The following ARMH4 variants were observed in gnomAD, a reference collection of about 807,000 sequenced individuals.
The protein encoded by ARMH4 is armadillo like helical domain containing 4, also known as armadillo-like helical domain-containing protein 4.
A neutral mutation model predicts 61.9 loss-of-function variants in ARMH4; 49 were observed. That is an observed-to-expected ratio of 0.79 (90% CI 0.63 to 1.00). ARMH4 has a LOEUF of 1.00. ARMH4 is among the 50% of genes least tolerant of loss of function. The pLI is 0.00. For synonymous variants in ARMH4, 368 were observed against 341.5 expected (o/e 1.08, Z -0.85); for missense variants, 934 against 930.0 (o/e 1.00, Z -0.06).
chr14:58,095,680 T>C (rs1885724549), intron 5 of ARMH4, among the ~76,000 whole-genome samples: 1 of 152,196 alleles, frequency 6.6e-6, no homozygotes, highest in South Asian at 2.1e-4. Flanking sequence ...CTATAGCATA[T>C]TACACAGGAA....
chr14:58,008,237 T>C (rs1882257949), intron 6 of ARMH4, among the ~76,000 whole-genome samples: 2 of 152,090 alleles, frequency 1.3e-5, no homozygotes. Context: ...ATGCAACTTA[T>C]CCTCAAATGG....
intron 5 of ARMH4, among the ~76,000 whole-genome samples, chr14:58,069,187 C>A (rs532563566): frequency 2.0e-5 from 3 of 152,290 alleles, no homozygotes; most frequent in Admixed American, 2.0e-4. Flanking sequence ...TCCACAATTA[C>A]TGACATTTCC....
chr14:58,142,484 TTC>T (rs2139991985), intron 1 of ARMH4, among the ~76,000 whole-genome samples: 1 of 152,094 alleles, frequency 6.6e-6, no homozygotes, highest in East Asian at 1.9e-4. Context: ...CTCTTTTCTT[TTC>T]TTTTTTCTTT....
At chr14:58,150,407 C>T (rs1452198689) in intron 1 of ARMH4, among the ~76,000 whole-genome samples, 2 of 152,174 alleles carry the variant, frequency 1.3e-5, no homozygotes, top group African/African-American at 4.8e-5. Flanking sequence ...ACTTTTCAGA[C>T]AAACATCTAC....
Position 58,044,402 on chromosome 14 carries a change from G to A in ARMH4, c.2090-32252C>T, listed in dbSNP as rs1197197369. On this transcript the variant is annotated intron_variant, in intron 5 of 7. Coordinates refer to ENST00000267485, the MANE Select transcript of ARMH4 (RefSeq NM_001001872.4). ...TTTAACAAATGGTGCTGGGAAAACT[G>A]GCTAGCCATATGTAGAAAGCTGAAA... Among the ~76,000 whole-genome samples, 4 of 152,118 alleles carry A rather than the reference G, an allele frequency of 2.6e-5. No individual in the cohort carries two copies. In the East Asian group the frequency reaches 5.8e-4, roughly 22 times the overall value.
intron 5 of ARMH4, among the ~76,000 whole-genome samples, chr14:58,095,389 G>A (rs958287897): frequency 6.6e-6 from 1 of 152,110 alleles, no homozygotes; most frequent in Non-Finnish European, 1.5e-5. Flanking sequence ...TTTGTATTTT[G>A]TATCTTATTT....
At chr14:58,105,094 A>C (rs778511357) in intron 4 of ARMH4, among the ~76,000 whole-genome samples, 1 of 152,218 alleles carries the variant, frequency 6.6e-6, no homozygotes, top group Non-Finnish European at 1.5e-5. Flanking sequence ...GATGTCATGA[A>C]CATCTCTGAA....
intron 1 of ARMH4, among the ~76,000 whole-genome samples, chr14:58,147,016 C>T (rs996039438): frequency 6.6e-6 from 1 of 152,194 alleles, no homozygotes; most frequent in Non-Finnish European, 1.5e-5. Flanking sequence ...TACACAAAAA[C>T]TACAGAGAGC....
At position 58,046,754 on chromosome 14, in the gene ARMH4, C is replaced by T. The variant is rs113423346; in HGVS notation, c.2090-34604G>A. ...GGAAGCACAGAGTGGTCTCATCTTGCCCAGGTTTGAGAAATATCTGGACAG... is the reference window on the plus strand; with the variant it reads ...GGAAGCACAGAGTGGTCTCATCTTGTCCAGGTTTGAGAAATATCTGGACAG... On this transcript the variant is annotated intron_variant, in intron 5 of 7. Coordinates refer to ENST00000267485, the MANE Select transcript of ARMH4 (RefSeq NM_001001872.4). Among the ~76,000 whole-genome samples, 922 of 152,222 alleles carry T rather than the reference C, an allele frequency of 6.1e-3. 13 individuals carry two copies. The highest frequency in any genetic ancestry group is 0.021 in the African/African-American group (857 of 41,538).
intron 5 of ARMH4, among the ~76,000 whole-genome samples, chr14:58,046,979 A>C (rs1329822921): frequency 6.6e-6 from 1 of 152,224 alleles, no homozygotes; most frequent in Non-Finnish European, 1.5e-5. Context: ...TTAGTGCACC[A>C]GTCACTAAAA....
chr14:58,028,025 A>G (rs1011714534), intron 5 of ARMH4, among the ~76,000 whole-genome samples: 2 of 152,102 alleles, frequency 1.3e-5, no homozygotes, highest in Non-Finnish European at 2.9e-5. Context: ...CCCTTTTTTA[A>G]TCCCTTAAGC....
Position 58,132,880 on chromosome 14 carries a change from C to T in ARMH4, c.1621+210G>A, listed in dbSNP as rs117635389. 9.8e-3 allele frequency among the ~76,000 whole-genome samples: 1,495 copies of T among 152,224 alleles called. 10 individuals are homozygous for T. Among genetic ancestry groups the T allele is most frequent in the Non-Finnish European group, 0.015 (1,036 of 68,000 alleles). On this transcript the variant is annotated intron_variant, in intron 3 of 7. Coordinates refer to ENST00000267485, the MANE Select transcript of ARMH4 (RefSeq NM_001001872.4). ...GATTACAGGCGTGAGCCACTGCGCCCGGCCAACCCTTGTCCTTTTAAGGCT... is the reference window on the plus strand; with the variant it reads ...GATTACAGGCGTGAGCCACTGCGCCTGGCCAACCCTTGTCCTTTTAAGGCT...
chr14:58,065,755 C>A (rs1321104596), intron 5 of ARMH4, among the ~76,000 whole-genome samples: 1 of 152,258 alleles, frequency 6.6e-6, no homozygotes, highest in Non-Finnish European at 1.5e-5. Flanking sequence ...TGGGATGTCA[C>A]TTCCATAACT....
chr14:58,012,276 A>G (rs1186772583), intron 5 of ARMH4, 126 bp from the exon 6 acceptor site: 2 of 497,182 alleles, frequency 4.0e-6, no homozygotes, highest in Non-Finnish European at 7.1e-6. Flanking sequence ...ACAATATAAC[A>G]TAATGACGAT....
intron 5 of ARMH4, among the ~76,000 whole-genome samples, chr14:58,069,025 G>A (rs1244658949): frequency 9.5e-5 from 14 of 147,904 alleles, no homozygotes; most frequent in African/African-American, 3.5e-4. Flanking sequence ...AAAAAAAAGA[G>A]AGACAGAGAT....
chr14:58,108,799 A>G (rs1886250977), intron 4 of ARMH4, among the ~76,000 whole-genome samples: 1 of 152,250 alleles, frequency 6.6e-6, no homozygotes, highest in East Asian at 1.9e-4. Flanking sequence ...CAAGTGTTCA[A>G]CATCCTAATG....
At chr14:58,045,825 C>T (rs138348972) in intron 5 of ARMH4, among the ~76,000 whole-genome samples, 9 of 152,190 alleles carry the variant, frequency 5.9e-5, no homozygotes, top group Non-Finnish European at 8.8e-5. Flanking sequence ...GAGAACAAGA[C>T]TCACAGAGAA....
chr14:58,063,755 A>T (rs1022727311), intron 5 of ARMH4, among the ~76,000 whole-genome samples: 1 of 152,192 alleles, frequency 6.6e-6, no homozygotes, highest in Non-Finnish European at 1.5e-5. Context: ...AGAAAGCAAA[A>T]TCAATGCCCA....
chr14:58,125,652 C>A (rs1468914302), intron 4 of ARMH4, among the ~76,000 whole-genome samples: 1 of 152,222 alleles, frequency 6.6e-6, no homozygotes, highest in Non-Finnish European at 1.5e-5. Context: ...GACCCCTGGA[C>A]TGGCCTGCTA....
Sources: gnomAD v4.1 joint callset for allele counts (sites outside exome capture counted in the v4.1 genomes callset) on GRCh38, gnomAD v4.1.1 for gene constraint, MANE v1.5 for transcripts, NCBI Gene and HGNC (gene_info 2026-07-23, HGNC 2026-07-21) for gene names.